RPE: variants seen among roughly 807,000 people sequenced by gnomAD.
RPE encodes the protein ribulose-5-phosphate-3-epimerase.
Under a neutral mutation model 24.6 loss-of-function variants are expected in RPE, and 16 were observed. The ratio of observed to expected loss-of-function variants is 0.65; its 90% CI spans 0.44 to 0.99. The LOEUF is 0.99. Among genes scored for constraint, RPE ranks in the 50% least tolerant of loss-of-function variants. RPE has a pLI of 0.00. For missense variants in RPE, 240 were observed against 294.5 expected (o/e 0.81, Z 1.35); for synonymous variants, 93 against 98.4 (o/e 0.94, Z 0.33).
Position 210,002,797 on chromosome 2 carries a change from G to T in RPE, c.122+14G>T, listed in dbSNP as rs761377187. 1 of 1,614,112 alleles carries T rather than the reference G, an allele frequency of 6.2e-7. No individual in the cohort carries two copies. Among genetic ancestry groups the T allele is most frequent in the Admixed American group, 1.7e-5 (1 of 60,030 alleles). ...CGTAATGGACGGGTAACTCCTCCGG[G>T]CTCCGGTCGGGCTTGCCGCGCGGCG... is the stretch of plus-strand genomic sequence containing the variant. On this transcript the variant is annotated intron_variant, in intron 1 of 5. Coordinates refer to ENST00000359429, the MANE Select transcript of RPE (RefSeq NM_199229.3).
At chr2:210,003,594 T>G (rs2093592313) in intron 1 of RPE, 2 of 452,664 alleles carry the variant, frequency 4.4e-6, no homozygotes, top group East Asian at 8.0e-5. Flanking sequence ...CCCTCAAGAT[T>G]ACAGAAGATT....
intron 1 of RPE, among the ~76,000 whole-genome samples, chr2:210,007,023 G>A (rs192415125): frequency 4.6e-5 from 7 of 152,262 alleles, no homozygotes; most frequent in Admixed American, 4.6e-4. Flanking sequence ...GGACAGATGA[G>A]CATAGTAGTT....
Position 210,018,647 on chromosome 2 carries a change from C to A in RPE, c.565-1022C>A, listed in dbSNP as rs76580511. 1.7e-3 allele frequency: 1,710 copies of A among 985,212 alleles called. 26 individuals are homozygous for A. In the African/African-American group the frequency reaches 0.028, roughly 16 times the overall value. The allele number at this position is 985,212 out of a possible 1,614,324, so 61.0% of individuals were successfully genotyped here. On this transcript the variant is annotated intron_variant, in intron 5 of 5. Coordinates refer to ENST00000359429, the MANE Select transcript of RPE (RefSeq NM_199229.3). ...ATGAGTGAGCTCATATCCTTTTGAT[C>A]GCTTGTGGAATTGCTTTGTACTAAA...
chr2:210,015,062 T>C (rs1308809848), intron 2 of RPE, among the ~76,000 whole-genome samples: 1 of 152,174 alleles, frequency 6.6e-6, no homozygotes, highest in Non-Finnish European at 1.5e-5. Context: ...AACATGTCCT[T>C]CCCCCTAAAT....
At chr2:210,004,701 C>G (rs1247601966) in intron 1 of RPE, among the ~76,000 whole-genome samples, 3 of 125,684 alleles carry the variant, frequency 2.4e-5, no homozygotes, top group Non-Finnish European at 1.9e-5. Context: ...TTTTGCTCAC[C>G]TATATATTCT....
At chr2:210,006,367 G>A (rs1165512287) in intron 1 of RPE, among the ~76,000 whole-genome samples, 2 of 152,154 alleles carry the variant, frequency 1.3e-5, no homozygotes, top group African/African-American at 4.8e-5. Flanking sequence ...GCTTAGGATT[G>A]TAGCCCCTTT....
At chr2:210,011,664 T>TTTGTTG (rs530211928) in intron 2 of RPE, among the ~76,000 whole-genome samples, 2 of 152,000 alleles carry the variant, frequency 1.3e-5, no homozygotes, top group East Asian at 3.8e-4. Flanking sequence ...TTTTTCGCTT[T>TTTGTTG]TTGTTGTTGT....
intron 2 of RPE, among the ~76,000 whole-genome samples, chr2:210,011,172 T>G (rs2093694511): frequency 6.6e-6 from 1 of 152,184 alleles, no homozygotes; most frequent in African/African-American, 2.4e-5. Context: ...TCCACCAATA[T>G]ATTCACCATT....
Position 210,009,688 on chromosome 2 carries a change from C to T in RPE, c.154C>T (p.Pro52Ser), listed in dbSNP as rs770632758. ...HFVPNITFGH[P>S]VVESLRKQLG... Reference sequence around the variant, plus strand: ...TGTTCCCAACATCACCTTTGGTCACCCTGTGGTAGAAAGCCTTCGAAAGCA... The same window carrying T: ...TGTTCCCAACATCACCTTTGGTCACTCTGTGGTAGAAAGCCTTCGAAAGCA... Residue 52 changes from proline (P) to serine (S), a missense_variant, in exon 2 of 6, where the codon CCT (proline) becomes TCT (serine). Coordinates refer to ENST00000359429, the MANE Select transcript of RPE (RefSeq NM_199229.3). The T allele has an allele frequency of 1.2e-6, 2 of 1,614,038 alleles. No homozygotes were observed. Among genetic ancestry groups the T allele is most frequent in the South Asian group, 2.2e-5 (2 of 91,074 alleles).
intron 1 of RPE, chr2:210,003,367 TATTAAGTTCTCTATAATTGTTA>T (rs1386703814): frequency 6.7e-6 from 6 of 889,500 alleles, no homozygotes; most frequent in Non-Finnish European, 9.6e-6. Flanking sequence ...GCCTGGCGTA[TATTAAGTTCTCTATAATTGTTA>T]ATTACATCAT....
intron 1 of RPE, among the ~76,000 whole-genome samples, chr2:210,005,265 C>G (rs182698687): frequency 1.3e-5 from 2 of 152,106 alleles, no homozygotes; most frequent in African/African-American, 4.8e-5. Flanking sequence ...TTCCTGGCCC[C>G]TTTTAAAAAT....
intron 5 of RPE, chr2:210,017,891 C>G (rs2093800138): frequency 1.8e-6 from 1 of 549,032 alleles, no homozygotes; most frequent in Non-Finnish European, 3.2e-6. Context: ...ATTACAGGTA[C>G]CTGCCACCAT....
rs2093580613 is a variant in RPE, at chr2:210,002,910, A to G, written c.122+127A>G. 2.6e-6 allele frequency: 4 copies of G among 1,561,252 alleles called. No homozygotes were observed. The African/African-American group carries it at 4.1e-5, about 16-fold the overall frequency. ...CGCCTCACTCTGAACGCGATGCTAGAAGGGGTGTGGGGTAGGAGCCCTGGA... is the reference window on the plus strand; with the variant it reads ...CGCCTCACTCTGAACGCGATGCTAGGAGGGGTGTGGGGTAGGAGCCCTGGA... On this transcript the variant is annotated intron_variant, in intron 1 of 5. Transcript: ENST00000359429.
rs773853164 is a variant in RPE, at chr2:210,019,752, T to G, written c.648T>G (p.Val216=). The change falls in exon 6 of 6, where the codon GTT becomes GTG. Residue 216 remains valine (V), a synonymous_variant. Transcript: ENST00000359429. Reference sequence around the variant, plus strand: ...CTGTGATCAATCTATTAAGAAATGTTTGCTCAGAAGCTGCTCAGAAACGTT... The same window carrying G: ...CTGTGATCAATCTATTAAGAAATGTGTGCTCAGAAGCTGCTCAGAAACGTT... ...PRSVINLLRN[V]CSEAAQKRSL... 1 of 1,613,356 alleles carries G rather than the reference T, an allele frequency of 6.2e-7. No individual in the cohort carries two copies.
At position 210,017,740 on chromosome 2, in the gene RPE, T is replaced by C. The variant is rs754025914; in HGVS notation, c.564+181T>C. On this transcript the variant is annotated intron_variant, in intron 5 of 5. Transcript: ENST00000359429. ...CAGCCATAAGTGGATATGCTTTTTT[T>C]TTTTTTTTTTTTTTTTCTTTTTCTG... The C allele has an allele frequency of 2.1e-4, 129 of 616,434 alleles. 3 individuals are homozygous for C. The highest frequency in any genetic ancestry group is 3.7e-4 in the Middle Eastern group (1 of 2,690). The allele number at this position is 616,434 out of a possible 1,614,324, so 38.2% of individuals were successfully genotyped here. A position where few individuals can be genotyped will look rare whatever the true frequency, so the allele number is the denominator to read the frequency against.
Position 210,019,830 on chromosome 2 carries a change from C to T in RPE, c.*39C>T. On this transcript the variant is annotated 3_prime_UTR_variant, in exon 6 of 6. Transcript: ENST00000359429. The stretch of plus-strand genomic sequence containing the variant: ...CCAGTGTTCCTGTTCATGAAATCTC[C>T]CTTTTACTGGAAAACAGGAATATTG... 6.3e-7 allele frequency: 1 copy of T among 1,589,660 alleles called. No homozygotes were observed. Among genetic ancestry groups the T allele is most frequent in the African/African-American group, 1.4e-5 (1 of 74,072 alleles).
Position 210,020,318 on chromosome 2 carries a change from T to TA in RPE, c.*532dup, listed in dbSNP as rs1559485418. 6.0e-6 allele frequency: 1 copy of TA among 166,950 alleles called. No individual in the cohort carries two copies. Among genetic ancestry groups the TA allele is most frequent in the Non-Finnish European group, 1.5e-5 (1 of 68,150 alleles). The allele number at this position is 166,950 out of a possible 1,614,324, so 10.3% of individuals were successfully genotyped here. A position where few individuals can be genotyped will look rare whatever the true frequency, so the allele number is the denominator to read the frequency against. On this transcript the variant is annotated 3_prime_UTR_variant, in exon 6 of 6. Coordinates refer to ENST00000359429, the MANE Select transcript of RPE (RefSeq NM_199229.3). ...CCTTACACTTGATGTGTGAAAACTA[T>TA]AAAAACAATGTGTGAAACCCAGGGG...
At chr2:210,003,421 G>T in intron 1 of RPE, 1 of 1,282,246 alleles carries the variant, frequency 7.8e-7, no homozygotes. Flanking sequence ...TGATTTTCCT[G>T]TCTATTTTCT....
chr2:210,012,280 T>G (rs1029779684), intron 2 of RPE, among the ~76,000 whole-genome samples: 1 of 152,192 alleles, frequency 6.6e-6, no homozygotes, highest in African/African-American at 2.4e-5. Flanking sequence ...AAAACTATTT[T>G]CATAATCCTA....
Sources: gnomAD v4.1 joint callset for allele counts (sites outside exome capture counted in the v4.1 genomes callset) on GRCh38, gnomAD v4.1.1 for gene constraint, MANE v1.5 for transcripts, NCBI Gene and HGNC (gene_info 2026-07-23, HGNC 2026-07-21) for gene names.